The following ARHGAP11B variants were observed in gnomAD, a reference collection of about 807,000 sequenced individuals.
ARHGAP11B encodes Rho GTPase activating protein 11B.
A neutral mutation model predicts 27.6 loss-of-function variants in ARHGAP11B; 14 were observed. The ratio of observed to expected loss-of-function variants is 0.51; its 90% CI spans 0.34 to 0.79. The LOEUF is 0.79. Among genes scored for constraint, ARHGAP11B ranks in the 30% least tolerant of loss-of-function variants. ARHGAP11B has a pLI of 0.02. For missense variants in ARHGAP11B, 245 were observed against 320.1 expected (o/e 0.77, Z 1.79); for synonymous variants, 82 against 114.1 (o/e 0.72, Z 1.80).
chr15:30,644,934 C>T (rs2060337781), intron 8 of ARHGAP11B, among the ~76,000 whole-genome samples: 1 of 151,886 alleles, frequency 6.6e-6, no homozygotes. Flanking sequence ...GGGGAGGTTC[C>T]TGTAGATCTG....
rs937425421 is a variant in ARHGAP11B at position 30,642,202 on chromosome 15, C to T, written c.*79-2437C>T. 2.6e-5 allele frequency among the ~76,000 whole-genome samples: 4 copies of T among 151,858 alleles called. No individual in the cohort carries two copies. The South Asian group carries it at 6.2e-4, about 24-fold the overall frequency. On this transcript the variant is annotated intron_variant, in intron 7 of 10. Transcript: ENST00000428041. ...ATGTCTCTGGGAAACTTTGTGAATT[C>T]TTTATTAATAACTCAGATGAATTGA...
rs1228870432 is a variant in ARHGAP11B at position 30,642,739 on chromosome 15, C to T, written c.*79-1900C>T. On this transcript the variant is annotated intron_variant, in intron 7 of 10. Transcript: ENST00000428041. ...TTCTTTTTCCAGTCTGCAATGGTGC[C>T]TATCCCTGCCTTGTATTATTAAAAG... Among the ~76,000 whole-genome samples, 5 of 152,128 alleles carry T rather than the reference C, an allele frequency of 3.3e-5. No homozygotes were observed. The East Asian group carries it at 9.7e-4, about 29-fold the overall frequency.
intron 8 of ARHGAP11B, among the ~76,000 whole-genome samples, chr15:30,645,569 G>A (rs2060342353): frequency 6.6e-6 from 1 of 151,844 alleles, no homozygotes; most frequent in African/African-American, 2.4e-5. Context: ...AATTTCTTTT[G>A]TCTAAAGATT....
At chr15:30,645,009 T>A (rs892989690) in intron 8 of ARHGAP11B, among the ~76,000 whole-genome samples, 3 of 151,878 alleles carry the variant, frequency 2.0e-5, no homozygotes, top group Non-Finnish European at 4.4e-5. Context: ...TGGTTGAATT[T>A]CCACCATTTA....
chr15:30,646,389 A>G (rs182888695), intron 9 of ARHGAP11B: 1 of 208,338 alleles, frequency 4.8e-6, no homozygotes, highest in East Asian at 1.6e-4. Flanking sequence ...AACTACCATG[A>G]AAAAACTGAT....
chr15:30,634,650 T>A (rs1393670002), intron 4 of ARHGAP11B, among the ~76,000 whole-genome samples: 1 of 152,026 alleles, frequency 6.6e-6, no homozygotes, highest in Non-Finnish European at 1.5e-5. Flanking sequence ...TCATCATTGG[T>A]GTTTATAAGA....
At chr15:30,649,155 T>A (rs1223995765) in exon 11 of ARHGAP11B, 4 of 152,012 alleles carry the variant, frequency 2.6e-5, no homozygotes, top group Non-Finnish European at 5.9e-5. Context: ...CATACTATTT[T>A]TCCTCTGCTT....
rs530713338 is a variant in ARHGAP11B, at chr15:30,629,326, G to A, written c.130-1377G>A. Among the ~76,000 whole-genome samples, 7 of 151,980 alleles carry A rather than the reference G, an allele frequency of 4.6e-5. No individual in the cohort carries two copies. In the East Asian group the frequency reaches 1.4e-3, roughly 29 times the overall value. ...TGGGAGGCCGAGGAGGGTGGATCAC[G>A]AGGTCAGGAGATCGAGACCATCCTA... On this transcript the variant is annotated intron_variant, in intron 1 of 10. Transcript: ENST00000428041.
intron 8 of ARHGAP11B, among the ~76,000 whole-genome samples, chr15:30,645,908 T>G (rs2060344685): frequency 6.6e-6 from 1 of 152,070 alleles, no homozygotes; most frequent in African/African-American, 2.4e-5. Flanking sequence ...ATTGAAGTGG[T>G]TAAAAAGTTT....
intron 7 of ARHGAP11B, among the ~76,000 whole-genome samples, chr15:30,641,885 T>G (rs1443092408): frequency 6.6e-6 from 1 of 151,612 alleles, no homozygotes; most frequent in African/African-American, 2.4e-5. Context: ...CCCAGCTAAT[T>G]TTTGTATTTT....
rs186281821 is a variant in ARHGAP11B at position 30,645,428 on chromosome 15, G to A, written c.*143-686G>A. Among the ~76,000 whole-genome samples, 690 of 152,094 alleles carry A rather than the reference G, an allele frequency of 4.5e-3. 8 individuals are homozygous for A. Among genetic ancestry groups the A allele is most frequent in the African/African-American group, 0.016 (671 of 41,530 alleles). Reference sequence around the variant, plus strand: ...AAACCTGTGAAGGATGTTTTTGAAAGACCAAAGTGAAGCAAAATATTAATA... The same window carrying A: ...AAACCTGTGAAGGATGTTTTTGAAAAACCAAAGTGAAGCAAAATATTAATA... On this transcript the variant is annotated intron_variant, in intron 8 of 10. Transcript: ENST00000428041.
At chr15:30,645,681 G>T (rs1230490833) in intron 8 of ARHGAP11B, among the ~76,000 whole-genome samples, 1 of 151,934 alleles carries the variant, frequency 6.6e-6, no homozygotes, top group Non-Finnish European at 1.5e-5. Context: ...GGTGATTTTA[G>T]CTATCATGTT....
chr15:30,639,023 C>G (rs2060299253), intron 7 of ARHGAP11B, among the ~76,000 whole-genome samples: 1 of 151,868 alleles, frequency 6.6e-6, no homozygotes, highest in African/African-American at 2.4e-5. Flanking sequence ...AAATTGTAGG[C>G]AAAAATTTTT....
intron 7 of ARHGAP11B, among the ~76,000 whole-genome samples, chr15:30,643,548 C>T (rs539284366): frequency 6.6e-6 from 1 of 151,982 alleles, no homozygotes; most frequent in Non-Finnish European, 1.5e-5. Flanking sequence ...AAGTGCTGGG[C>T]GTACAGGCGT....
intron 1 of ARHGAP11B, among the ~76,000 whole-genome samples, chr15:30,627,647 G>A (rs1276270181): frequency 6.6e-6 from 1 of 151,924 alleles, no homozygotes; most frequent in Non-Finnish European, 1.5e-5. Context: ...TTGAAATAAA[G>A]GGATTTTGAA....
At chr15:30,647,305 G>T (rs577848519) in intron 9 of ARHGAP11B, among the ~76,000 whole-genome samples, 3 of 151,918 alleles carry the variant, frequency 2.0e-5, no homozygotes, top group Non-Finnish European at 4.4e-5. Context: ...AATTACGGTG[G>T]TTCAGAGGTG....
At chr15:30,630,898 G>C (rs1435301617) in intron 2 of ARHGAP11B, 125 bp downstream of exon 2, 5 of 1,521,626 alleles carry the variant, frequency 3.3e-6, no homozygotes, top group Admixed American at 2.2e-5. Flanking sequence ...TGGGCAACAT[G>C]GTGAGACCTT....
intron 6 of ARHGAP11B, among the ~76,000 whole-genome samples, chr15:30,638,474 C>G (rs1250700037): frequency 1.3e-5 from 2 of 151,574 alleles, no homozygotes; most frequent in Non-Finnish European, 1.5e-5. Flanking sequence ...TTTCTTTTTC[C>G]CTACCCTTAC....
intron 6 of ARHGAP11B, among the ~76,000 whole-genome samples, chr15:30,636,860 C>G (rs1328446839): frequency 1.3e-5 from 2 of 152,084 alleles, no homozygotes; most frequent in African/African-American, 2.4e-5. Flanking sequence ...CAGAACTTCC[C>G]TCTTACAGGG....
Sources: gnomAD v4.1 joint callset for allele counts (sites outside exome capture counted in the v4.1 genomes callset) on GRCh38, gnomAD v4.1.1 for gene constraint, MANE v1.5 for transcripts, NCBI Gene and HGNC (gene_info 2026-07-23, HGNC 2026-07-21) for gene names.